CTNNA2: variants seen among roughly 807,000 people sequenced by gnomAD.
CTNNA2 encodes catenin alpha-2.
CTNNA2 carries 42 observed loss-of-function variants against 101.0 expected under a neutral mutation model. The ratio of observed to expected loss-of-function variants is 0.42; its 90% confidence interval spans 0.32 to 0.54. The LOEUF (loss-of-function observed/expected upper bound fraction) is 0.54, where lower values mean the gene tolerates loss of function less well. Among genes scored for constraint, CTNNA2 ranks in the 20% least tolerant of loss-of-function variants. The probability of loss-of-function intolerance (pLI) is 0.14; values close to 1 mark genes in which losing one functional copy is unlikely to be tolerated. For synonymous variants in CTNNA2, 450 were observed against 456.4 expected (o/e 0.99, Z 0.18); for missense variants, 871 against 1,223.1 (o/e 0.71, Z 4.29).
In CTNNA2 at chr2:79,415,248, T is replaced by C. The variant is rs192055418; in HGVS notation, c.-135+41235T>C. Among the ~76,000 whole-genome samples, 6 of 152,220 alleles carry C rather than the reference T, an allele frequency of 3.9e-5. No homozygotes were observed. The East Asian group carries it at 1.2e-3, about 30-fold the overall frequency. ...TAAAAGAATGTGGCACCTCCACCAC[T>C]CCGTCTTGCTCCTGCTCTTGCCACA... On this transcript the variant is annotated intron_variant, in intron 4 of 21. Coordinates refer to the CTNNA2 transcript ENST00000466387.
intron 9 of CTNNA2, among the ~76,000 whole-genome samples, chr2:80,422,829 T>G (rs1409962032): frequency 1.3e-5 from 2 of 152,186 alleles, no homozygotes; most frequent in African/African-American, 2.4e-5. Flanking sequence ...CCTCATTTAT[T>G]TTTTAAATGT....
chr2:80,139,259 A>G (rs1335575034), intron 7 of CTNNA2, among the ~76,000 whole-genome samples: 2 of 152,134 alleles, frequency 1.3e-5, no homozygotes, highest in African/African-American at 2.4e-5. Context: ...CTCTTACTCA[A>G]TGAAATCATT....
At chr2:80,043,070 TC>T (rs1696219490) in intron 7 of CTNNA2, among the ~76,000 whole-genome samples, 1 of 51,074 alleles carries the variant, frequency 2.0e-5, no homozygotes. Flanking sequence ...TTTCTTTCTT[TC>T]TTTCTTTCTT....
At chr2:79,403,695 G>C (rs1398180681) in intron 4 of CTNNA2, among the ~76,000 whole-genome samples, 1 of 151,952 alleles carries the variant, frequency 6.6e-6, no homozygotes, top group Non-Finnish European at 1.5e-5. Flanking sequence ...GTAGGAATCA[G>C]AGAGAAGAAA....
intron 7 of CTNNA2, among the ~76,000 whole-genome samples, chr2:80,268,285 G>A (rs1298454076): frequency 1.3e-5 from 2 of 152,172 alleles, no homozygotes; most frequent in Middle Eastern, 6.3e-3. Flanking sequence ...AGTGCTATCA[G>A]ACCTAAAGAG....
At chr2:79,557,804 G>A (rs1205405250) in intron 1 of CTNNA2, among the ~76,000 whole-genome samples, 1 of 151,878 alleles carries the variant, frequency 6.6e-6, no homozygotes, top group Non-Finnish European at 1.5e-5. Flanking sequence ...CATAGGATTG[G>A]CTTCCTAAAC....
rs577143449 is a variant in CTNNA2 at position 80,461,182 on chromosome 2, C to T, written c.1290+41581C>T. On this transcript the variant is annotated intron_variant, in intron 9 of 18. Transcript: ENST00000402739. ...GTAAAATCCAGTTTTAACAAAGAAT[C>T]CTGTTAAGTCAGTTTAGTAAGAACC... 3.9e-5 allele frequency among the ~76,000 whole-genome samples: 6 copies of T among 152,232 alleles called. No individual in the cohort carries two copies. In the South Asian group the frequency reaches 6.2e-4, roughly 16 times the overall value.
At chr2:79,592,277 C>T (rs773607707) in intron 1 of CTNNA2, among the ~76,000 whole-genome samples, 12 of 149,222 alleles carry the variant, frequency 8.0e-5, no homozygotes, top group East Asian at 1.9e-4. Flanking sequence ...CCCAACACCA[C>T]GCCCAGCTAA....
chr2:80,644,286 G>C (rs1472321288), intron 18 of CTNNA2, among the ~76,000 whole-genome samples: 1 of 152,070 alleles, frequency 6.6e-6, no homozygotes, highest in Non-Finnish European at 1.5e-5. Context: ...ACAATTAAAA[G>C]GACTCAATGT....
At chr2:80,400,115 G>A (rs147778024) in intron 8 of CTNNA2, among the ~76,000 whole-genome samples, 9 of 152,230 alleles carry the variant, frequency 5.9e-5, no homozygotes, top group Admixed American at 1.3e-4. Flanking sequence ...ACAGCTAATC[G>A]CCTTGATTCT....
At chr2:79,929,453 C>G (rs1687242801) in intron 7 of CTNNA2, among the ~76,000 whole-genome samples, 1 of 152,144 alleles carries the variant, frequency 6.6e-6, no homozygotes, top group African/African-American at 2.4e-5. Flanking sequence ...TTAGAATAGC[C>G]AGAGCTCTCC....
rs1277587137 is a variant in CTNNA2 at position 80,393,246 on chromosome 2, T to G, written c.1092T>G (p.Ile364Met). 3 of 1,610,982 alleles carry G rather than the reference T, an allele frequency of 1.9e-6. No homozygotes were observed. The highest frequency in any genetic ancestry group is 2.5e-6 in the Non-Finnish European group (3 of 1,178,566). The change falls in exon 8 of 19, where the codon ATT (isoleucine) becomes ATG (methionine). Residue 364 changes from isoleucine (I) to methionine (M), a missense_variant. By Grantham distance (10) the Ile-to-Met change is conservative. Coordinates refer to ENST00000402739, the MANE Select transcript of CTNNA2 (RefSeq NM_001282597.3). ...AAGAAAAAGGAGATCCTCTCAACAT[T>G]GCGATTGATAAGATGACTAAGAAAA... ...GRKEKGDPLN[I>M]AIDKMTKKTR... is the part of the protein sequence containing the mutation.
intron 9 of CTNNA2, among the ~76,000 whole-genome samples, chr2:80,425,581 A>C (rs201829930): frequency 9.1e-6 from 1 of 109,944 alleles, no homozygotes; most frequent in African/African-American, 3.7e-5. Flanking sequence ...CATTTCCATT[A>C]ATCACATAAG....
At chr2:79,407,700 C>A (rs1201407428) in intron 4 of CTNNA2, among the ~76,000 whole-genome samples, 1 of 151,842 alleles carries the variant, frequency 6.6e-6, no homozygotes, top group Non-Finnish European at 1.5e-5. Flanking sequence ...ACCAGATAGT[C>A]AATGAATTTT....
At chr2:80,283,112 A>AT (rs1301843958) in intron 7 of CTNNA2, among the ~76,000 whole-genome samples, 10 of 152,258 alleles carry the variant, frequency 6.6e-5, no homozygotes, top group Admixed American at 5.9e-4. Flanking sequence ...GATATAGGTA[A>AT]TTCTTTAGGA....
At position 80,597,722 on chromosome 2, in the gene CTNNA2, T is replaced by C. The variant is rs960160393; in HGVS notation, c.2190-6352T>C. Among the ~76,000 whole-genome samples, 5 of 152,110 alleles carry C rather than the reference T, an allele frequency of 3.3e-5. 1 individual carries two copies. The highest frequency in any genetic ancestry group is 2.6e-4 in the Admixed American group (4 of 15,280). On this transcript the variant is annotated intron_variant, in intron 15 of 18. Transcript: ENST00000402739. ...TGTGGCCAACAAACATAAAAAAAGC[T>C]CATCATCACTGATCATTAGAGAAAT... is the stretch of plus-strand genomic sequence containing the variant.
chr2:80,642,478 A>T (rs182733206), intron 18 of CTNNA2, among the ~76,000 whole-genome samples: 1 of 152,204 alleles, frequency 6.6e-6, no homozygotes, highest in Non-Finnish European at 1.5e-5. Context: ...GTTGGCAGAA[A>T]GTATTCAGTA....
intron 4 of CTNNA2, among the ~76,000 whole-genome samples, chr2:79,393,741 T>G (rs1272029160): frequency 6.6e-6 from 1 of 151,534 alleles, no homozygotes; most frequent in Non-Finnish European, 1.5e-5. Context: ...GCTACTAAAA[T>G]TCAGCTCACC....
intron 2 of CTNNA2, among the ~76,000 whole-genome samples, chr2:79,740,336 C>A (rs746095429): frequency 6.6e-6 from 1 of 152,086 alleles, no homozygotes; most frequent in African/African-American, 2.4e-5. Flanking sequence ...TGATCTTGTT[C>A]TTTTTTAAGC....
Sources: allele counts gnomAD v4.1 joint callset (sites outside exome capture counted in the v4.1 genomes callset), GRCh38; gene constraint gnomAD v4.1.1; transcripts MANE v1.5; gene names NCBI Gene and HGNC (gene_info 2026-07-23, HGNC 2026-07-21).